NKAIN3: variants seen among roughly 807,000 people sequenced by gnomAD.
NKAIN3 encodes the protein sodium/potassium transporting ATPase interacting 3.
A neutral mutation model predicts 30.2 loss-of-function variants in NKAIN3; 25 were observed. The observed-to-expected ratio is 0.83, with a 90% confidence interval of 0.60 to 1.16. The LOEUF (loss-of-function observed/expected upper bound fraction) is 1.16. NKAIN3 is among the 50% of genes most tolerant of loss of function. The pLI, the probability that NKAIN3 is intolerant of heterozygous loss-of-function variation, is 0.00. For synonymous variants in NKAIN3, 91 were observed against 89.6 expected, an observed-to-expected ratio of 1.02 and a Z score of -0.09; for missense variants, 225 against 254.1, an observed-to-expected ratio of 0.89 and a Z score of 0.78.
chr8:62,944,609 A>G (rs575306826), intron 5 of NKAIN3, among the ~76,000 whole-genome samples: 39 of 152,258 alleles, frequency 2.6e-4, no homozygotes, highest in Middle Eastern at 3.4e-3. Flanking sequence ...TGGCTTGCAA[A>G]TCTTTTCAGA....
intron 1 of NKAIN3, among the ~76,000 whole-genome samples, chr8:62,501,876 T>C (rs1229869227): frequency 1.3e-5 from 2 of 152,202 alleles, no homozygotes; most frequent in African/African-American, 4.8e-5. Context: ...ACAATATACC[T>C]ATGCTAAGTG....
At chr8:62,902,865 A>G (rs1179624752) in intron 4 of NKAIN3, among the ~76,000 whole-genome samples, 1 of 152,230 alleles carries the variant, frequency 6.6e-6, no homozygotes, top group African/African-American at 2.4e-5. Context: ...TTACAAAAAA[A>G]TCTTAGGCAA....
intron 3 of NKAIN3, among the ~76,000 whole-genome samples, chr8:62,682,635 G>A (rs900604433): frequency 6.6e-6 from 1 of 152,164 alleles, no homozygotes; most frequent in Admixed American, 6.5e-5. Flanking sequence ...TGAGGTGGAG[G>A]GTGGGGAGTG....
Position 62,264,272 on chromosome 8 carries a change from T to A in NKAIN3, c.54+15145T>A, listed in dbSNP as rs149453151. Among the ~76,000 whole-genome samples the A allele has an allele frequency of 1.5e-4, 23 of 152,292 alleles. 1 individual carries two copies. The highest frequency in any genetic ancestry group is 2.8e-4 in the Non-Finnish European group (19 of 68,022). On this transcript the variant is annotated intron_variant, in intron 1 of 6. Transcript: ENST00000623646. ...GGCCACCTGCTTCTGCCCTGTTTTC[T>A]CCATTCCTGGTGTTATTGTCCCACT...
intron 1 of NKAIN3, among the ~76,000 whole-genome samples, chr8:62,411,532 G>A (rs1018704202): frequency 1.7e-4 from 26 of 152,086 alleles, no homozygotes; most frequent in African/African-American, 5.3e-4. Context: ...CTTATTCAAC[G>A]TAGTACTGGA....
At chr8:62,733,239 G>GT (rs1815537819) in intron 3 of NKAIN3, among the ~76,000 whole-genome samples, 1 of 151,872 alleles carries the variant, frequency 6.6e-6, no homozygotes, top group South Asian at 2.1e-4. Context: ...ATTCCACCCT[G>GT]TTTTTGCCTC....
At chr8:62,541,822 AGT>A (rs1808855163) in intron 1 of NKAIN3, among the ~76,000 whole-genome samples, 1 of 152,164 alleles carries the variant, frequency 6.6e-6, no homozygotes, top group Admixed American at 6.6e-5. Context: ...ACACATTTGA[AGT>A]TGTTCTTAAT....
At chr8:62,811,750 A>T (rs552957403) in intron 4 of NKAIN3, among the ~76,000 whole-genome samples, 1 of 151,740 alleles carries the variant, frequency 6.6e-6, no homozygotes, top group Non-Finnish European at 1.5e-5. Context: ...GAATTTTGAC[A>T]GTTCTTTATA....
At chr8:62,929,487 CACTT>C (rs528528673) in intron 5 of NKAIN3, among the ~76,000 whole-genome samples, 49 of 152,270 alleles carry the variant, frequency 3.2e-4, no homozygotes, top group African/African-American at 1.1e-3. Flanking sequence ...GGAAAACAAA[CACTT>C]AGTTACTAGT....
chr8:62,617,319 C>A (rs1358286448), intron 3 of NKAIN3, among the ~76,000 whole-genome samples: 1 of 152,180 alleles, frequency 6.6e-6, no homozygotes, highest in Non-Finnish European at 1.5e-5. Flanking sequence ...CAGGAAATCC[C>A]AAGGCTTAGA....
chr8:62,560,679 A>G (rs1167820156), intron 1 of NKAIN3, among the ~76,000 whole-genome samples: 2 of 151,160 alleles, frequency 1.3e-5, no homozygotes, highest in African/African-American at 4.9e-5. Context: ...AGCTGAGATT[A>G]CAGGCACCCA....
chr8:62,506,476 C>CTTTTTTTTTTTTTTTT (rs71255341), intron 1 of NKAIN3, among the ~76,000 whole-genome samples: 10 of 98,454 alleles, frequency 1.0e-4, no homozygotes, highest in Admixed American at 1.2e-4. Context: ...TTCTTTCTTT[C>CTTTTTTTTTTTTTTTT]TTTTTTTTTT....
Position 62,980,631 on chromosome 8 carries a change from T to G in NKAIN3, c.*15224T>G, listed in dbSNP as rs1357257727. 6.6e-6 allele frequency: 1 copy of G among 152,212 alleles called. No individual in the cohort carries two copies. Among genetic ancestry groups the G allele is most frequent in the Non-Finnish European group, 1.5e-5 (1 of 68,032 alleles). 9.4% of individuals were successfully genotyped at this position (152,212 alleles called of 1,614,324 possible). A position where few individuals can be genotyped will look rare whatever the true frequency, so the allele number is the denominator to read the frequency against. On this transcript the variant is annotated 3_prime_UTR_variant, in exon 7 of 7. Coordinates refer to ENST00000623646, the MANE Select transcript of NKAIN3 (RefSeq NM_001304533.3). Reference sequence around the variant, plus strand: ...TTCTTCTACTAATATCTTTTAATATTTATGCTATTATATAGCTTTTTATTT... The same window carrying G: ...TTCTTCTACTAATATCTTTTAATATGTATGCTATTATATAGCTTTTTATTT...
chr8:62,864,249 G>T, intron 4 of NKAIN3: 1 of 861,100 alleles, frequency 1.2e-6, no homozygotes, highest in African/African-American at 1.7e-5. Flanking sequence ...ATTAGAGGAG[G>T]CGGCCGAGGC....
At chr8:62,397,316 T>C (rs997900964) in intron 1 of NKAIN3, among the ~76,000 whole-genome samples, 4 of 151,980 alleles carry the variant, frequency 2.6e-5, no homozygotes, top group Admixed American at 1.3e-4. Context: ...TTTTTTTCTT[T>C]TGGTGGAACA....
intron 1 of NKAIN3, among the ~76,000 whole-genome samples, chr8:62,466,501 C>A (rs765814647): frequency 1.1e-4 from 17 of 152,138 alleles, no homozygotes; most frequent in Admixed American, 4.6e-4. Flanking sequence ...GGTTAAAGGA[C>A]AATGACAAAG....
intron 4 of NKAIN3, among the ~76,000 whole-genome samples, chr8:62,809,831 G>A (rs990868827): frequency 9.2e-5 from 14 of 152,152 alleles, no homozygotes; most frequent in African/African-American, 2.9e-4. Flanking sequence ...GCTGAGAAAC[G>A]GCATTTGCCT....
chr8:62,508,222 G>A (rs996531156), intron 1 of NKAIN3, among the ~76,000 whole-genome samples: 1 of 152,170 alleles, frequency 6.6e-6, no homozygotes, highest in Admixed American at 6.6e-5. Context: ...ACAAGGAAGA[G>A]GAAGGCAATC....
intron 1 of NKAIN3, among the ~76,000 whole-genome samples, chr8:62,330,226 G>A (rs892422876): frequency 6.6e-6 from 1 of 151,816 alleles, no homozygotes; most frequent in Non-Finnish European, 1.5e-5. Context: ...TAATGAGGAT[G>A]GGGGGGTGAG....
Sources: gnomAD v4.1 joint callset for allele counts (sites outside exome capture counted in the v4.1 genomes callset) on GRCh38, gnomAD v4.1.1 for gene constraint, MANE v1.5 for transcripts, NCBI Gene and HGNC (gene_info 2026-07-23, HGNC 2026-07-21) for gene names.